Variants in ZSWIM6 observed in about 807,000 individuals in gnomAD.
ZSWIM6 encodes zinc finger SWIM-type containing 6, also known as zinc finger SWIM domain-containing protein 6.
In ZSWIM6, 9 loss-of-function variants were observed where a neutral mutation model predicts 113.2. The ratio of observed to expected loss-of-function variants is 0.08; its 90% confidence interval spans 0.05 to 0.14. The LOEUF is 0.14. Among genes scored for constraint, ZSWIM6 ranks in the 10% least tolerant of loss-of-function variants. The pLI is 1.00. For missense variants in ZSWIM6, 1,162 were observed against 1,552.2 expected (o/e 0.75, Z 4.22); for synonymous variants, 611 against 606.5 (o/e 1.01, Z -0.11).
Position 61,332,772 on chromosome 5 carries a change from CCTCGGCCGCCGCCGCCGCT to C in ZSWIM6, c.501_519del (p.Ser168ProfsTer46). 2.6e-6 allele frequency: 2 copies of C among 774,360 alleles called. No homozygotes were observed. The highest frequency in any genetic ancestry group is 1.3e-4 in the South Asian group (2 of 15,550). 48.0% of individuals were successfully genotyped at this position (774,360 alleles called of 1,614,324 possible). ...CCGGCCGCAACCTCGGCGGCCGCAACCTCGGCCGCCGCCGCCGCTGCCGCCGCCGCCGCCGCCGCCGCCG... is the reference window on the plus strand; with the variant it reads ...CCGGCCGCAACCTCGGCGGCCGCAACGCCGCCGCCGCCGCCGCCGCCGCCG... On this transcript the variant is annotated frameshift_variant, in exon 1 of 14. Transcript: ENST00000252744. LOFTEE classifies it high-confidence loss of function.
At chr5:61,350,336 C>G (rs866304308) in intron 1 of ZSWIM6, among the ~76,000 whole-genome samples, 25 of 152,282 alleles carry the variant, frequency 1.6e-4, no homozygotes, top group Admixed American at 3.3e-4. Context: ...GAATTGTGCG[C>G]TATGTGCACT....
At chr5:61,345,530 T>C (rs1192990245) in intron 1 of ZSWIM6, among the ~76,000 whole-genome samples, 3 of 152,372 alleles carry the variant, frequency 2.0e-5, no homozygotes, top group East Asian at 3.9e-4. Flanking sequence ...GAAGGGACTT[T>C]AGTAAGAATA....
intron 1 of ZSWIM6, among the ~76,000 whole-genome samples, chr5:61,442,543 C>T (rs979923514): frequency 6.6e-6 from 1 of 152,164 alleles, no homozygotes; most frequent in Non-Finnish European, 1.5e-5. Flanking sequence ...GCAGGACCAA[C>T]CTACCTGCAA....
At chr5:61,346,457 T>C (rs1744660527) in intron 1 of ZSWIM6, among the ~76,000 whole-genome samples, 1 of 152,228 alleles carries the variant, frequency 6.6e-6, no homozygotes, top group South Asian at 2.1e-4. Flanking sequence ...GACCTATTGA[T>C]ATCAATGTAT....
chr5:61,347,712 A>G (rs1744689543), intron 1 of ZSWIM6: 1 of 152,244 alleles, frequency 6.6e-6, no homozygotes, highest in African/African-American at 2.4e-5. Flanking sequence ...TATATAGAAT[A>G]TTAAAGAGAA....
At chr5:61,439,835 C>G (rs11950318) in intron 1 of ZSWIM6, among the ~76,000 whole-genome samples, 57,989 of 151,886 alleles carry the variant, frequency 0.38, 11,216 homozygotes, top group South Asian at 0.45. Flanking sequence ...ACCTTTGAAA[C>G]GTTTTTCTAC....
chr5:61,409,018 C>A (rs1432231946), intron 1 of ZSWIM6, among the ~76,000 whole-genome samples: 2 of 149,774 alleles, frequency 1.3e-5, no homozygotes, highest in Non-Finnish European at 3.0e-5. Context: ...ATTTGCGTTT[C>A]CTTGATGACT....
At chr5:61,498,638 CCT>C (rs1218878904) in intron 4 of ZSWIM6, among the ~76,000 whole-genome samples, 1 of 152,094 alleles carries the variant, frequency 6.6e-6, no homozygotes, top group African/African-American at 2.4e-5. Flanking sequence ...GAGAACACAG[CCT>C]ACCCTTTGAG....
chr5:61,357,893 C>T (rs1308312071), intron 1 of ZSWIM6, among the ~76,000 whole-genome samples: 1 of 152,076 alleles, frequency 6.6e-6, no homozygotes, highest in Non-Finnish European at 1.5e-5. Context: ...CCTGTTTACT[C>T]CAGGACCTGT....
chr5:61,375,461 G>A, intron 1 of ZSWIM6: 1 of 1,541,716 alleles, frequency 6.5e-7, no homozygotes, highest in Admixed American at 1.9e-5. Flanking sequence ...TCTTCCAGCA[G>A]TTCTTCTGAT....
At chr5:61,520,853 T>C (rs1283181845) in intron 4 of ZSWIM6, among the ~76,000 whole-genome samples, 1 of 152,176 alleles carries the variant, frequency 6.6e-6, no homozygotes, top group African/African-American at 2.4e-5. Context: ...ATAGAGTCTG[T>C]AAATTGGACA....
In ZSWIM6 at chr5:61,452,558, CA is replaced by C. The variant is rs1048716693; in HGVS notation, c.677-20122del. On this transcript the variant is annotated intron_variant, in intron 1 of 13. Transcript: ENST00000252744. The stretch of plus-strand genomic sequence containing the variant: ...GACCTTTTTGCCACAACTAAGTAAC[CA>C]TATCAAGATTGTCTCTTTTTAAAAC... 3.0e-4 allele frequency among the ~76,000 whole-genome samples: 45 copies of C among 152,168 alleles called. No homozygotes were observed. The Middle Eastern group carries it at 0.014, about 46-fold the overall frequency.
At chr5:61,420,916 A>ATTT (rs34581606) in intron 1 of ZSWIM6, among the ~76,000 whole-genome samples, 12 of 146,020 alleles carry the variant, frequency 8.2e-5, no homozygotes, top group South Asian at 2.2e-4. Context: ...TATTCGTTCT[A>ATTT]TTTTTTTTTT....
intron 1 of ZSWIM6, among the ~76,000 whole-genome samples, chr5:61,335,638 A>C (rs1744375774): frequency 6.6e-6 from 1 of 152,276 alleles, no homozygotes; most frequent in Non-Finnish European, 1.5e-5. Flanking sequence ...ACCATAAAGC[A>C]GTTTTCTGGT....
Position 61,544,391 on chromosome 5 carries a change from C to A in ZSWIM6, c.*74C>A. 4 of 1,029,354 alleles carry A rather than the reference C, an allele frequency of 3.9e-6. No homozygotes were observed. Among genetic ancestry groups the A allele is most frequent in the Non-Finnish European group, 4.2e-6 (3 of 706,292 alleles). The allele number at this position is 1,029,354 out of a possible 1,614,324, so 63.8% of individuals were successfully genotyped here. A position where few individuals can be genotyped will look rare whatever the true frequency, so the allele number is the denominator to read the frequency against. The stretch of plus-strand genomic sequence containing the variant: ...GTTTTTACTTGAGCCTGCCTTTGTA[C>A]CCTTTTTAACTTAAAGAACAGAGCC... On this transcript the variant is annotated 3_prime_UTR_variant, in exon 14 of 14. Transcript: ENST00000252744.
At chr5:61,348,411 T>C (rs1375637158) in intron 1 of ZSWIM6, among the ~76,000 whole-genome samples, 1 of 152,166 alleles carries the variant, frequency 6.6e-6, no homozygotes, top group East Asian at 1.9e-4. Context: ...TATTTGTACT[T>C]CATTGGGCTG....
chr5:61,388,690 A>T (rs1406202818), intron 1 of ZSWIM6, among the ~76,000 whole-genome samples: 2 of 152,260 alleles, frequency 1.3e-5, no homozygotes, highest in African/African-American at 2.4e-5. Context: ...CTAGTATTTG[A>T]ACACACAGTG....
intron 1 of ZSWIM6, among the ~76,000 whole-genome samples, chr5:61,396,529 CA>C (rs60743291): frequency 0.018 from 1,244 of 69,780 alleles, 4 homozygotes; most frequent in South Asian, 0.068. Flanking sequence ...GACTCTGTCT[CA>C]AAAAAAAAAA....
At chr5:61,363,837 C>T in intron 1 of ZSWIM6, among the ~76,000 whole-genome samples, 1 of 150,882 alleles carries the variant, frequency 6.6e-6, no homozygotes, top group Non-Finnish European at 1.5e-5. Flanking sequence ...TCCTTCCTTC[C>T]TCCCTTCCCT....
Sources: allele counts gnomAD v4.1 joint callset (sites outside exome capture counted in the v4.1 genomes callset), GRCh38; gene constraint gnomAD v4.1.1; transcripts MANE v1.5; gene names NCBI Gene and HGNC (gene_info 2026-07-23, HGNC 2026-07-21).